NRXN1: variants seen among roughly 807,000 people sequenced by gnomAD.
NRXN1 encodes neurexin-1.
NRXN1 carries 39 observed loss-of-function variants against 150.9 expected under a neutral mutation model. The ratio of observed to expected loss-of-function variants is 0.26; its 90% CI spans 0.20 to 0.34. The LOEUF is 0.34. Ranked by LOEUF, NRXN1 falls within the 10% of genes least tolerant of loss-of-function variation. The pLI is 1.00. For missense variants in NRXN1, 1,815 were observed against 1,949.9 expected (o/e 0.93, Z 1.30); for synonymous variants, 924 against 757.0 (o/e 1.22, Z -3.62).
intron 17 of NRXN1, among the ~76,000 whole-genome samples, chr2:50,278,064 T>G (rs1164111383): frequency 1.3e-5 from 1 of 77,712 alleles, no homozygotes; most frequent in Non-Finnish European, 2.2e-5. Flanking sequence ...CCTTTCTCTC[T>G]CTCTTTTTTT....
intron 19 of NRXN1, among the ~76,000 whole-genome samples, chr2:50,077,304 C>G (rs1697264759): frequency 6.6e-6 from 1 of 152,130 alleles, no homozygotes; most frequent in Admixed American, 6.5e-5. Context: ...CTCTTCACCC[C>G]AATGCTGGCG....
chr2:50,953,006 T>G (rs1473276040), intron 2 of NRXN1, among the ~76,000 whole-genome samples: 1 of 152,046 alleles, frequency 6.6e-6, no homozygotes, highest in African/African-American at 2.4e-5. Flanking sequence ...TCAATATATA[T>G]GGAGGAGAAA....
intron 18 of NRXN1, among the ~76,000 whole-genome samples, chr2:50,231,850 T>C (rs2064972616): frequency 7.0e-6 from 1 of 142,696 alleles, no homozygotes; most frequent in Admixed American, 6.8e-5. Context: ...GTAAAATTTC[T>C]AGATATATCT....
At chr2:49,961,318 A>C (rs1026356412) in intron 21 of NRXN1, among the ~76,000 whole-genome samples, 4 of 144,878 alleles carry the variant, frequency 2.8e-5, no homozygotes, top group African/African-American at 1.1e-4. Flanking sequence ...CTGCGCACGC[A>C]TGCACACACA....
rs1236455396 is a variant in NRXN1 at position 49,920,637 on chromosome 2, A to ATATT, written c.*1303_*1306dup. On this transcript the variant is annotated 3_prime_UTR_variant, in exon 23 of 23. Coordinates refer to ENST00000401669, the MANE Select transcript of NRXN1 (RefSeq NM_001330078.2). ...TTCCTGCTTTTCAATTTGTCAATAA[A>ATATT]TATTTGCTACTGTATGCACGTTTGG... 6.6e-6 allele frequency: 1 copy of ATATT among 152,238 alleles called. No homozygotes were observed. The highest frequency in any genetic ancestry group is 1.5e-5 in the Non-Finnish European group (1 of 68,012). 9.4% of individuals were successfully genotyped at this position (152,238 alleles called of 1,614,324 possible).
chr2:50,048,005 C>G (rs1692104194), intron 21 of NRXN1, among the ~76,000 whole-genome samples: 1 of 151,890 alleles, frequency 6.6e-6, no homozygotes, highest in African/African-American at 2.4e-5. Flanking sequence ...ATTTTGTCAT[C>G]TAGTAAAACC....
At chr2:50,284,700 G>C (rs2071892762) in intron 17 of NRXN1, among the ~76,000 whole-genome samples, 1 of 152,034 alleles carries the variant, frequency 6.6e-6, no homozygotes, top group African/African-American at 2.4e-5. Flanking sequence ...AGTGGGGCTA[G>C]GCAAGAGATT....
intron 2 of NRXN1, among the ~76,000 whole-genome samples, chr2:50,952,722 C>T (rs976490603): frequency 6.6e-6 from 1 of 152,170 alleles, no homozygotes; most frequent in Non-Finnish European, 1.5e-5. Context: ...CACACCAGGC[C>T]ATGCAATTTG....
intron 17 of NRXN1, among the ~76,000 whole-genome samples, chr2:50,380,285 TGTGTGTGTGTGC>T (rs906351172): frequency 2.6e-5 from 4 of 151,758 alleles, no homozygotes; most frequent in Admixed American, 2.6e-4. Context: ...TATGTGTGTG[TGTGTGTGTGTGC>T]GTGTGTGTGT....
chr2:50,122,223 A>G (rs1348595829), intron 18 of NRXN1, among the ~76,000 whole-genome samples: 3 of 152,244 alleles, frequency 2.0e-5, no homozygotes, highest in South Asian at 2.1e-4. Context: ...TCTGAATGTG[A>G]CAATGAATCA....
intron 17 of NRXN1, among the ~76,000 whole-genome samples, chr2:50,283,900 C>T (rs573690683): frequency 6.6e-6 from 1 of 152,168 alleles, no homozygotes; most frequent in South Asian, 2.1e-4. Context: ...AGGTAAATGC[C>T]AAAACAAAAC....
At chr2:50,163,873 G>A (rs1377052443) in intron 18 of NRXN1, among the ~76,000 whole-genome samples, 1 of 152,150 alleles carries the variant, frequency 6.6e-6, no homozygotes, top group Non-Finnish European at 1.5e-5. Context: ...TGGCAATGAG[G>A]AGACATCTAT....
intron 5 of NRXN1, among the ~76,000 whole-genome samples, chr2:50,754,218 T>C (rs1700932068): frequency 6.6e-6 from 1 of 151,912 alleles, no homozygotes; most frequent in Admixed American, 6.6e-5. Flanking sequence ...AGATCAGTTA[T>C]CTGGTTAGAT....
At chr2:50,732,545 A>G (rs858951) in intron 5 of NRXN1, among the ~76,000 whole-genome samples, 83,835 of 151,948 alleles carry the variant, frequency 0.55, 23,503 homozygotes, top group South Asian at 0.61. Context: ...CTTGTTTTCA[A>G]TTACAGATAA....
chr2:49,973,357 A>G (rs1207561679), intron 21 of NRXN1, among the ~76,000 whole-genome samples: 1 of 152,214 alleles, frequency 6.6e-6, no homozygotes, highest in Non-Finnish European at 1.5e-5. Flanking sequence ...TGAAATATTT[A>G]CATTAATCAG....
intron 17 of NRXN1, among the ~76,000 whole-genome samples, chr2:50,417,502 G>T (rs2083630020): frequency 6.6e-6 from 1 of 151,822 alleles, no homozygotes; most frequent in African/African-American, 2.4e-5. Flanking sequence ...CTGATATTCT[G>T]CTTGGTCCTA....
intron 5 of NRXN1, among the ~76,000 whole-genome samples, chr2:50,748,907 CAGTA>C (rs745869138): frequency 7.0e-4 from 106 of 152,188 alleles, no homozygotes; most frequent in Middle Eastern, 3.4e-3. Context: ...GAGTTGAATA[CAGTA>C]AGTATGTCTA....
intron 5 of NRXN1, among the ~76,000 whole-genome samples, chr2:50,753,963 T>TG (rs1554047708): frequency 5.7e-5 from 7 of 122,278 alleles, no homozygotes; most frequent in South Asian, 3.3e-4. Flanking sequence ...CGATTTTTTT[T>TG]TGGGGGGGGG....
chr2:50,267,416 A>G lies in NRXN1; in HGVS notation c.3365-30446T>C, dbSNP rs188812226. Among the ~76,000 whole-genome samples, 390 of 152,340 alleles carry G rather than the reference A, an allele frequency of 2.6e-3. 2 individuals are homozygous for G. Among genetic ancestry groups the G allele is most frequent in the African/African-American group, 8.7e-3 (363 of 41,574 alleles). Reference sequence around the variant, plus strand: ...TATGGTACATATATTTCTTCAAAGTAAGAAAGAACTATTCATTTCAATAAT... The same window carrying G: ...TATGGTACATATATTTCTTCAAAGTGAGAAAGAACTATTCATTTCAATAAT... On this transcript the variant is annotated intron_variant, in intron 17 of 22. Transcript: ENST00000401669.
Sources: gnomAD v4.1 joint callset for allele counts (sites outside exome capture counted in the v4.1 genomes callset) on GRCh38, gnomAD v4.1.1 for gene constraint, MANE v1.5 for transcripts, NCBI Gene and HGNC (gene_info 2026-07-23, HGNC 2026-07-21) for gene names.